Variants in PLPPR4 observed in about 807,000 individuals in gnomAD.
PLPPR4 encodes the protein phospholipid phosphatase related 4, also known as phospholipid phosphatase-related protein type 4.
Under a neutral mutation model 56.6 loss-of-function variants are expected in PLPPR4, and 24 were observed. That is an observed-to-expected ratio of 0.42 (90% CI 0.31 to 0.60). The LOEUF (loss-of-function observed/expected upper bound fraction) is 0.60, where lower values mean the gene tolerates loss of function less well. Ranked by LOEUF, PLPPR4 falls within the 20% of genes least tolerant of loss-of-function variation. PLPPR4 has a pLI of 0.13. For missense variants in PLPPR4, 654 were observed against 885.8 expected (o/e 0.74, Z 3.32); for synonymous variants, 326 against 328.1 (o/e 0.99, Z 0.07).
intron 2 of PLPPR4, among the ~76,000 whole-genome samples, chr1:99,289,768 A>G (rs1295860231): frequency 6.6e-6 from 1 of 152,124 alleles, no homozygotes; most frequent in Non-Finnish European, 1.5e-5. Context: ...AAAACTCTCA[A>G]TAAACTAGGT....
At chr1:99,283,006 A>G (rs1357810509) in intron 1 of PLPPR4, among the ~76,000 whole-genome samples, 2 of 148,198 alleles carry the variant, frequency 1.3e-5, no homozygotes, top group African/African-American at 4.9e-5. Context: ...TATTATATAT[A>G]TGAAATATAT....
At position 99,308,861 on chromosome 1, in the gene PLPPR4, C is replaced by T. The variant is rs1460530965; in HGVS notation, c.*1851C>T. On this transcript the variant is annotated 3_prime_UTR_variant, in exon 7 of 7. Coordinates refer to ENST00000370185, the MANE Select transcript of PLPPR4 (RefSeq NM_014839.5). ...TCTCACCACCACCGCCATCATGACG[C>T]TCATACTGGCTTTTGCCTGTTTGTA... is the stretch of plus-strand genomic sequence containing the variant. The T allele has an allele frequency of 1.3e-5, 2 of 152,572 alleles. No individual in the cohort carries two copies. The highest frequency in any genetic ancestry group is 2.9e-5 in the Non-Finnish European group (2 of 68,030). 9.5% of individuals were successfully genotyped at this position (152,572 alleles called of 1,614,324 possible).
chr1:99,268,085 C>T (rs901111552), intron 1 of PLPPR4, among the ~76,000 whole-genome samples: 5 of 152,226 alleles, frequency 3.3e-5, no homozygotes, highest in Non-Finnish European at 5.9e-5. Flanking sequence ...CTCTTCACCA[C>T]TGCAATAACA....
At chr1:99,303,117 T>C (rs573604656) in intron 6 of PLPPR4, among the ~76,000 whole-genome samples, 1 of 148,286 alleles carries the variant, frequency 6.7e-6, no homozygotes, top group South Asian at 2.1e-4. Flanking sequence ...TGTGTAGCTG[T>C]TGTTGTTGTT....
chr1:99,273,142 C>G (rs551159430), intron 1 of PLPPR4, among the ~76,000 whole-genome samples: 93 of 152,164 alleles, frequency 6.1e-4, no homozygotes, highest in African/African-American at 2.2e-3. Context: ...TTTGGCAGAA[C>G]TAACATTGAG....
intron 1 of PLPPR4, among the ~76,000 whole-genome samples, chr1:99,271,264 T>C (rs888989359): frequency 5.3e-5 from 8 of 152,186 alleles, no homozygotes; most frequent in African/African-American, 1.9e-4. Context: ...GAAGGCATTG[T>C]TATCTTTATT....
intron 3 of PLPPR4, chr1:99,298,830 C>G: frequency 3.1e-6 from 2 of 646,356 alleles, no homozygotes; most frequent in Non-Finnish European, 5.5e-6. Flanking sequence ...CCTAAAGTTA[C>G]TACTTTGGAG....
At chr1:99,264,779 G>C in intron 1 of PLPPR4, 108 bp downstream of exon 1, 1 of 1,233,248 alleles carries the variant, frequency 8.1e-7, no homozygotes, top group South Asian at 1.3e-5. Context: ...GGGCGCGCGC[G>C]GCTGTCCCCA....
chr1:99,306,241 C>T lies in PLPPR4; in HGVS notation c.1379C>T (p.Ala460Val). Reference sequence around the variant, plus strand: ...CAGTACCTCAAAATCCAGCCTGGCGCTGTCCCCGGATGTAACAACAGCATG... The same window carrying T: ...CAGTACCTCAAAATCCAGCCTGGCGTTGTCCCCGGATGTAACAACAGCATG... ...GNQYLKIQPG[A>V]VPGCNNSMPG... Residue 460 changes from alanine (A) to valine (V), a missense_variant, in exon 7 of 7, where the codon GCT becomes GTT. By Grantham distance (64) the Ala-to-Val change is moderately conservative. Coordinates refer to ENST00000370185, the MANE Select transcript of PLPPR4 (RefSeq NM_014839.5). The surrounding 1 kb of genome is among the most constrained non-coding windows in gnomAD (Gnocchi z 4.0). The T allele has an allele frequency of 6.2e-7, 1 of 1,614,176 alleles. No individual in the cohort carries two copies. Among genetic ancestry groups the T allele is most frequent in the Non-Finnish European group, 8.5e-7 (1 of 1,180,026 alleles).
intron 6 of PLPPR4, among the ~76,000 whole-genome samples, chr1:99,303,340 C>A (rs1165491053): frequency 6.6e-6 from 1 of 152,012 alleles, no homozygotes; most frequent in Non-Finnish European, 1.5e-5. Flanking sequence ...ACAGATGAAG[C>A]AGATTTGTGG....
chr1:99,271,004 G>A (rs1246819614), intron 1 of PLPPR4, among the ~76,000 whole-genome samples: 1 of 152,122 alleles, frequency 6.6e-6, no homozygotes, highest in Non-Finnish European at 1.5e-5. Flanking sequence ...TGCTATTAGG[G>A]AATTATTTTC....
chr1:99,302,169 A>G (rs1456162), intron 6 of PLPPR4, among the ~76,000 whole-genome samples: 89 of 152,218 alleles, frequency 5.8e-4, no homozygotes, highest in African/African-American at 2.0e-3. Context: ...TACTATTACT[A>G]CTATAATTAT....
intron 1 of PLPPR4, among the ~76,000 whole-genome samples, chr1:99,268,639 A>T (rs1658970881): frequency 6.6e-6 from 1 of 152,232 alleles, no homozygotes; most frequent in Admixed American, 6.5e-5. Flanking sequence ...GACTTGAAAA[A>T]TACGATGATT....
At chr1:99,295,221 T>C (rs1049943578) in intron 2 of PLPPR4, among the ~76,000 whole-genome samples, 2 of 152,224 alleles carry the variant, frequency 1.3e-5, no homozygotes, top group African/African-American at 4.8e-5. Context: ...TGGTTATAGG[T>C]AGAGTTCTAC....
In PLPPR4 at chr1:99,306,917, T is replaced by C. The variant is rs2100814463; in HGVS notation, c.2055T>C (p.Asn685=). 6.2e-7 allele frequency: 1 copy of C among 1,614,050 alleles called. No individual in the cohort carries two copies. Among genetic ancestry groups the C allele is most frequent in the Non-Finnish European group, 8.5e-7 (1 of 1,180,002 alleles). ...ACTCCACCCTGCGGAGAAAGGGCAA[T>C]ATCATTCTAATCCCTGAAAGAAGCA... is the stretch of plus-strand genomic sequence containing the variant. ...SRDSTLRRKG[N]IILIPERSNS... The change falls in exon 7 of 7, where the codon AAT becomes AAC. Residue 685 remains asparagine (N), a synonymous_variant. Transcript: ENST00000370185. The surrounding 1 kb of genome is among the most constrained non-coding windows in gnomAD (Gnocchi z 4.0).
Position 99,305,755 on chromosome 1 carries a change from C to T in PLPPR4, c.893C>T (p.Ser298Phe). 5.0e-6 allele frequency: 8 copies of T among 1,614,016 alleles called. No homozygotes were observed. The highest frequency in any genetic ancestry group is 6.8e-6 in the Non-Finnish European group (8 of 1,179,986). ...SMFQHRDALRSLTDLNQDPNR... is the reference protein window; with the variant it reads ...SMFQHRDALRFLTDLNQDPNR... ...TTTCAGCACAGAGACGCCCTCAGGT[C>T]TCTGACAGACCTCAATCAAGATCCC... The change falls in exon 7 of 7, where the codon TCT becomes TTT. Residue 298 changes from serine (S) to phenylalanine (F), a missense_variant. By Grantham distance (155) the Ser-to-Phe change is radical (BLOSUM62 -2). This residue lies in a region of PLPPR4 where 468 missense variants were observed against 554.3 expected (regional missense o/e 0.84). Transcript: ENST00000370185.
chr1:99,268,146 A>G (rs999952200), intron 1 of PLPPR4, among the ~76,000 whole-genome samples: 2 of 152,212 alleles, frequency 1.3e-5, no homozygotes, highest in African/African-American at 4.8e-5. Flanking sequence ...GTTACTTTCT[A>G]TTGTTTCTCA....
intron 2 of PLPPR4, among the ~76,000 whole-genome samples, chr1:99,290,222 A>G (rs1007034433): frequency 1.2e-4 from 19 of 152,124 alleles, no homozygotes; most frequent in African/African-American, 4.1e-4. Context: ...ATATCTAGGA[A>G]TACAGCTAAC....
chr1:99,274,161 T>A lies in PLPPR4; in HGVS notation c.78+9490T>A, dbSNP rs1304750089. ...TGGTAAAACAAACTATTAGATATAT[T>A]TTTTTTTTACTTTTTTAAAAGAATA... is the stretch of plus-strand genomic sequence containing the variant. On this transcript the variant is annotated intron_variant, in intron 1 of 6. Transcript: ENST00000370185. 2.6e-5 allele frequency among the ~76,000 whole-genome samples: 4 copies of A among 151,174 alleles called. No individual in the cohort carries two copies. The South Asian group carries it at 6.3e-4, about 24-fold the overall frequency.
Sources: gnomAD v4.1 joint callset for allele counts (sites outside exome capture counted in the v4.1 genomes callset) on GRCh38, gnomAD v4.1.1 for gene constraint, gnomAD v4.1.1 regional missense constraint, Gnocchi (gnomAD v3.1) non-coding constraint, MANE v1.5 for transcripts, NCBI Gene and HGNC (gene_info 2026-07-23, HGNC 2026-07-21) for gene names.